The following ERAP1 variants were observed in gnomAD, a reference collection of about 807,000 sequenced individuals.
The protein encoded by ERAP1 is adipocyte-derived leucine aminopeptidase.
A neutral mutation model predicts 103.7 loss-of-function variants in ERAP1; 86 were observed. That is an observed-to-expected ratio of 0.83 (90% CI 0.70 to 0.99). The LOEUF (loss-of-function observed/expected upper bound fraction) is 0.99. Among genes scored for constraint, ERAP1 ranks in the 50% least tolerant of loss-of-function variants. The pLI is 0.00. For synonymous variants in ERAP1, 398 were observed against 402.4 expected (o/e 0.99, Z 0.13); for missense variants, 1,009 against 1,128.4 (o/e 0.89, Z 1.52).
At chr5:96,902,474 G>A in the ERAP1 span, 1 of 639,868 alleles carries the variant, frequency 1.6e-6, no homozygotes, top group Non-Finnish European at 2.7e-6. Flanking sequence ...GAGGGAAGTT[G>A]TCATTTATCC....
chr5:96,900,734 T>C, the ERAP1 span, among the ~76,000 whole-genome samples: 1 of 152,178 alleles, frequency 6.6e-6, no homozygotes, highest in African/African-American at 2.4e-5. Flanking sequence ...TGGAGTATAG[T>C]GGCACAATCT....
chr5:96,892,200 A>T, the ERAP1 span: 7 of 1,248,408 alleles, frequency 5.6e-6, no homozygotes, highest in Non-Finnish European at 6.8e-6. Flanking sequence ...AAGTCTGCTT[A>T]AATATGCTTA....
rs144041784 is a variant in ERAP1, at chr5:96,796,401, C to T, written c.798+774G>A. 1.5e-3 allele frequency among the ~76,000 whole-genome samples: 224 copies of T among 152,322 alleles called. 8 individuals are homozygous for T. The East Asian group carries it at 0.038, about 26-fold the overall frequency. On this transcript the variant is annotated intron_variant, in intron 4 of 18. Transcript: ENST00000443439. ...CTCTCCAGCATTCCAGTGTACCTGG[C>T]CCAAAGCCTTTGGGTATTCCAAGCA...
At position 96,786,567 on chromosome 5, in the gene ERAP1, T is replaced by G; in HGVS notation, c.1680-18A>C. On this transcript the variant is annotated intron_variant, in intron 11 of 18. Coordinates refer to ENST00000443439, the MANE Select transcript of ERAP1 (RefSeq NM_001040458.3). ...ACAGGTACCTAAAATAAAGGAGAGG[T>G]GGATTGTTCATTTGTTGATTCAATT... is the stretch of plus-strand genomic sequence containing the variant. 3 of 1,505,168 alleles carry G rather than the reference T, an allele frequency of 2.0e-6. No individual in the cohort carries two copies. The highest frequency in any genetic ancestry group is 2.8e-6 in the Non-Finnish European group (3 of 1,080,358). 93.2% of individuals were successfully genotyped at this position (1,505,168 alleles called of 1,614,324 possible).
chr5:96,901,562 C>T, the ERAP1 span: 1 of 1,614,086 alleles, frequency 6.2e-7, no homozygotes, highest in East Asian at 2.2e-5. Flanking sequence ...CATGGACTCT[C>T]CAGAAAGGAA....
chr5:96,778,150 T>C (rs1774624094), intron 18 of ERAP1, among the ~76,000 whole-genome samples: 1 of 152,208 alleles, frequency 6.6e-6, no homozygotes, highest in African/African-American at 2.4e-5. Flanking sequence ...CTCTGATATT[T>C]ATTCATCCCT....
chr5:96,845,260 C>T, the ERAP1 span, among the ~76,000 whole-genome samples: 23 of 151,860 alleles, frequency 1.5e-4, 1 homozygote, highest in South Asian at 4.6e-3. Flanking sequence ...TTTGAGACAG[C>T]GTCTCCCTCT....
intron 3 of ERAP1, among the ~76,000 whole-genome samples, chr5:96,797,637 G>A (rs925343552): frequency 2.0e-5 from 3 of 152,202 alleles, no homozygotes; most frequent in African/African-American, 7.2e-5. Context: ...CTGCACTCCT[G>A]CCTGGATGAC....
chr5:96,861,556 G>A, the ERAP1 span, among the ~76,000 whole-genome samples: 1,178 of 152,296 alleles, frequency 7.7e-3, 18 homozygotes, highest in African/African-American at 0.027. Context: ...AATTGGCAAT[G>A]TTTCCTCTGA....
chr5:96,773,498 G>A (rs184896384), downstream of ERAP1: 1 of 152,400 alleles, frequency 6.6e-6, no homozygotes, highest in African/African-American at 2.4e-5. Context: ...CAGCAACTGT[G>A]TCTTTAGAGC....
intron 11 of ERAP1, chr5:96,786,902 T>G (rs1462895395): frequency 4.6e-6 from 1 of 218,202 alleles, no homozygotes. Context: ...TCCTTGGGAT[T>G]CCTGTCAATG....
At chr5:96,917,390 G>A in the ERAP1 span, 1 of 1,462,024 alleles carries the variant, frequency 6.8e-7, no homozygotes, top group Non-Finnish European at 9.3e-7. Context: ...CGAAGTGCTG[G>A]GATTACAGGT....
intron 11 of ERAP1, among the ~76,000 whole-genome samples, chr5:96,787,789 T>TATGTGTGTGTATATATATATAC (rs1561681367): frequency 6.8e-6 from 1 of 147,900 alleles, no homozygotes; most frequent in Non-Finnish European, 1.5e-5. Flanking sequence ...ATATATTATA[T>TATGTGTGTGTATATATATATAC]ATATATATGT....
At position 96,766,087 on chromosome 5, in the gene ERAP1, G is replaced by A. The variant is rs1432572426; in HGVS notation, c.2819-2859C>T. ...AAAGCTGAACATAGAGACAAGCTTG[G>A]AGAAAGAGATGACACTATCCCACCT... On this transcript the variant is annotated intron_variant, in intron 19 of 19. Transcript: ENST00000296754. 4.3e-6 allele frequency: 7 copies of A among 1,611,084 alleles called. No homozygotes were observed. In the Middle Eastern group the frequency reaches 4.9e-4, roughly 114 times the overall value.
chr5:96,896,487 G>T, the ERAP1 span: 4 of 1,613,256 alleles, frequency 2.5e-6, no homozygotes, highest in Non-Finnish European at 1.7e-6. Flanking sequence ...AATGTTTGAT[G>T]AAGTTTCCTA....
chr5:96,926,189 C>A, the ERAP1 span, among the ~76,000 whole-genome samples: 2 of 152,176 alleles, frequency 1.3e-5, no homozygotes, highest in Non-Finnish European at 2.9e-5. Flanking sequence ...GGATTACAGG[C>A]TTGAGCCACC....
the ERAP1 span, among the ~76,000 whole-genome samples, chr5:96,850,994 G>A: frequency 1.3e-5 from 2 of 152,040 alleles, no homozygotes; most frequent in East Asian, 1.9e-4. Context: ...ACAGAGGTTG[G>A]GGGAGTTAGA....
chr5:96,881,324 T>C, the ERAP1 span: 34 of 437,132 alleles, frequency 7.8e-5, 1 homozygote, highest in East Asian at 1.4e-4. Flanking sequence ...GTGGCAGTGC[T>C]TATGGAGTGA....
chr5:96,762,886 G>GT (rs1768491781), exon 20 of ERAP1: 1 of 415,146 alleles, frequency 2.4e-6, no homozygotes, highest in African/African-American at 2.0e-5. Context: ...CATACTAGCA[G>GT]TAGAAGAACC....
Sources: allele counts gnomAD v4.1 joint callset (sites outside exome capture counted in the v4.1 genomes callset), GRCh38; gene constraint gnomAD v4.1.1; transcripts MANE v1.5; gene names NCBI Gene and HGNC (gene_info 2026-07-23, HGNC 2026-07-21).